Variants in SLC25A37 observed in about 807,000 individuals in gnomAD.
SLC25A37 encodes solute carrier family 25 member 37.
In SLC25A37, 17 loss-of-function variants were observed where a neutral mutation model predicts 31.0. The ratio of observed to expected loss-of-function variants is 0.55; its 90% CI spans 0.38 to 0.82. SLC25A37 has a LOEUF of 0.82. SLC25A37 is among the 40% of genes least tolerant of loss of function. The probability of loss-of-function intolerance (pLI) is 0.00; values close to 1 mark genes in which losing one functional copy is unlikely to be tolerated. For missense variants in SLC25A37, 404 were observed against 465.8 expected, an observed-to-expected ratio of 0.87 and a Z score of 1.22; for synonymous variants, 222 against 193.0, an observed-to-expected ratio of 1.15 and a Z score of -1.24.
intron 1 of SLC25A37, among the ~76,000 whole-genome samples, chr8:23,548,671 T>C (rs1027937766): frequency 6.6e-6 from 1 of 152,020 alleles, no homozygotes; most frequent in Admixed American, 6.6e-5. Context: ...GGTTTCTCCA[T>C]GTTGGTCAGG....
At chr8:23,556,000 G>T (rs1802354237) in intron 1 of SLC25A37, among the ~76,000 whole-genome samples, 1 of 152,184 alleles carries the variant, frequency 6.6e-6, no homozygotes, top group East Asian at 1.9e-4. Context: ...TAGCAAGCTG[G>T]TTGGGCTCTT....
rs936410098 is a variant in SLC25A37 at position 23,529,065 on chromosome 8, C to A, written c.63C>A (p.Ser21Arg). 8 of 1,589,260 alleles carry A rather than the reference C, an allele frequency of 5.0e-6. No homozygotes were observed. The highest frequency in any genetic ancestry group is 6.8e-6 in the Non-Finnish European group (8 of 1,169,102). The change falls in exon 1 of 4, where the codon AGC (serine) becomes AGA (arginine). Residue 21 changes from serine (S) to arginine (R), a missense_variant. Ser to Arg is a moderately radical substitution (Grantham distance 110). Transcript: ENST00000519973. The surrounding 1 kb of genome is among the most constrained non-coding windows in gnomAD (Gnocchi z 4.1). ...TGGCGCGGAGGATGGATGGGGACAG[C>A]CGAGATGGCGGCGGCGGCAAGGACG... ...QAVARRMDGD[S>R]RDGGGGKDAT...
chr8:23,569,639 T>G (rs1802768362), intron 3 of SLC25A37, among the ~76,000 whole-genome samples: 1 of 152,242 alleles, frequency 6.6e-6, no homozygotes, highest in African/African-American at 2.4e-5. Flanking sequence ...CATTGGGTCA[T>G]TTTGTTTTAG....
At chr8:23,564,362 C>G (rs1423938286) in intron 1 of SLC25A37, among the ~76,000 whole-genome samples, 3 of 151,484 alleles carry the variant, frequency 2.0e-5, no homozygotes, top group African/African-American at 7.3e-5. Context: ...GAGAAGCCCT[C>G]CTTTTTTATA....
intron 1 of SLC25A37, among the ~76,000 whole-genome samples, chr8:23,548,386 G>T (rs1318213062): frequency 6.6e-6 from 1 of 151,414 alleles, no homozygotes; most frequent in Non-Finnish European, 1.5e-5. Context: ...CACCATGTTG[G>T]TCAGGATGGT....
At chr8:23,555,335 C>G (rs1473546269) in intron 1 of SLC25A37, among the ~76,000 whole-genome samples, 1 of 152,084 alleles carries the variant, frequency 6.6e-6, no homozygotes, top group Non-Finnish European at 1.5e-5. Flanking sequence ...CATACTCTTC[C>G]TTTTTCTAGG....
At chr8:23,549,026 C>T (rs1802150513) in intron 1 of SLC25A37, among the ~76,000 whole-genome samples, 2 of 152,156 alleles carry the variant, frequency 1.3e-5, no homozygotes, top group African/African-American at 2.4e-5. Flanking sequence ...CCTGCATTTG[C>T]CCTCATTGCA....
intron 2 of SLC25A37, chr8:23,568,111 T>C: frequency 1.6e-6 from 1 of 641,504 alleles, no homozygotes; most frequent in East Asian, 2.9e-5. Flanking sequence ...GATTAAAATG[T>C]GGTTGAGTGT....
intron 1 of SLC25A37, among the ~76,000 whole-genome samples, chr8:23,545,436 A>G (rs1325534561): frequency 6.6e-6 from 1 of 152,220 alleles, no homozygotes; most frequent in East Asian, 1.9e-4. Context: ...GGAGTCCATG[A>G]TAGTCCAGGG....
At chr8:23,562,826 A>C (rs1388894198) in intron 1 of SLC25A37, among the ~76,000 whole-genome samples, 1 of 152,198 alleles carries the variant, frequency 6.6e-6, no homozygotes, top group African/African-American at 2.4e-5. Context: ...ATTCAGCCCC[A>C]GTTCTCTCTG....
chr8:23,559,193 G>T (rs1379093475), intron 1 of SLC25A37, among the ~76,000 whole-genome samples: 1 of 152,224 alleles, frequency 6.6e-6, no homozygotes, highest in African/African-American at 2.4e-5. Context: ...GTATGGTAAT[G>T]TGCTTATGCA....
intron 1 of SLC25A37, among the ~76,000 whole-genome samples, chr8:23,544,427 A>G (rs1196050548): frequency 1.3e-5 from 2 of 152,152 alleles, no homozygotes; most frequent in Non-Finnish European, 2.9e-5. Context: ...GTAATTAAGG[A>G]ATGGGGCCTA....
chr8:23,552,212 A>G (rs1563259134), intron 1 of SLC25A37, among the ~76,000 whole-genome samples: 1 of 152,224 alleles, frequency 6.6e-6, no homozygotes, highest in Non-Finnish European at 1.5e-5. Flanking sequence ...GGTAGGGAAT[A>G]TACTGGAGCC....
At chr8:23,552,106 C>T (rs967444095) in intron 1 of SLC25A37, among the ~76,000 whole-genome samples, 1 of 152,226 alleles carries the variant, frequency 6.6e-6, no homozygotes, top group Admixed American at 6.5e-5. Flanking sequence ...TAGAGAAAAA[C>T]ACCCACACCT....
chr8:23,571,480 C>T lies in SLC25A37; in HGVS notation c.642C>T (p.Ile214=), dbSNP rs1357467243. Residue 214 remains isoleucine, a synonymous_variant, in exon 4 of 4, where the codon ATC becomes ATT. Coordinates refer to ENST00000519973, the MANE Select transcript of SLC25A37 (RefSeq NM_016612.4). ...CCATGAACATCCCCTTCCAGTCCATCCACTTCATCACCTATGAGTTCCTGC... is the reference window on the plus strand; with the variant it reads ...CCATGAACATCCCCTTCCAGTCCATTCACTTCATCACCTATGAGTTCCTGC... ...QLTMNIPFQS[I]HFITYEFLQE... 7 of 1,613,914 alleles carry T rather than the reference C, an allele frequency of 4.3e-6. No homozygotes were observed.
chr8:23,538,547 T>TGTGTGTG lies in SLC25A37; in HGVS notation c.210+9335_210+9336insGTGTGTG, dbSNP rs1563251552. ...CGTGTGTGTGTGTGTGTGTGTGTGT[T>TGTGTGTG]TGTGTGTGTGTGTAGAACCCAGCAA... On this transcript the variant is annotated intron_variant, in intron 1 of 3. Transcript: ENST00000519973. Among the ~76,000 whole-genome samples the TGTGTGTG allele has an allele frequency of 6.1e-3, 892 of 145,532 alleles. 17 individuals are homozygous for TGTGTGTG. The highest frequency in any genetic ancestry group is 0.018 in the South Asian group (83 of 4,552).
chr8:23,558,459 GC>G (rs531838772), intron 1 of SLC25A37, among the ~76,000 whole-genome samples: 240 of 152,252 alleles, frequency 1.6e-3, no homozygotes, highest in African/African-American at 5.5e-3. Context: ...TCTCCCTAGG[GC>G]CATTGTTGCT....
chr8:23,544,175 G>GT (rs1459831104), intron 1 of SLC25A37, among the ~76,000 whole-genome samples: 1 of 152,078 alleles, frequency 6.6e-6, no homozygotes, highest in African/African-American at 2.4e-5. Flanking sequence ...TGTACTTTTG[G>GT]TATATTTAGA....
chr8:23,545,151 A>G (rs1258934679), intron 1 of SLC25A37, among the ~76,000 whole-genome samples: 1 of 152,200 alleles, frequency 6.6e-6, no homozygotes, highest in Non-Finnish European at 1.5e-5. Context: ...TGTAGGGCAA[A>G]GAGAGACTTG....
Sources: allele counts gnomAD v4.1 joint callset (sites outside exome capture counted in the v4.1 genomes callset), GRCh38; gene constraint gnomAD v4.1.1; non-coding constraint Gnocchi (gnomAD v3.1); transcripts MANE v1.5; gene names NCBI Gene and HGNC (gene_info 2026-07-23, HGNC 2026-07-21).